DTX4: variants seen among roughly 807,000 people sequenced by gnomAD.
DTX4 encodes the protein E3 ubiquitin-protein ligase DTX4.
In DTX4, 28 loss-of-function variants were observed where a neutral mutation model predicts 57.6. The ratio of observed to expected loss-of-function variants is 0.49; its 90% CI spans 0.36 to 0.67. DTX4 has a LOEUF of 0.67. Ranked by LOEUF, DTX4 falls within the 30% of genes least tolerant of loss-of-function variation. The pLI, the probability that DTX4 is intolerant of heterozygous loss-of-function variation, is 0.00. For missense variants in DTX4, 715 were observed against 836.8 expected (o/e 0.85, Z 1.80); for synonymous variants, 316 against 331.0 (o/e 0.95, Z 0.49).
chr11:59,205,152 C>A lies in DTX4; in HGVS notation c.*243C>A. 1 of 475,398 alleles carries A rather than the reference C, an allele frequency of 2.1e-6. No individual in the cohort carries two copies. The highest frequency in any genetic ancestry group is 3.9e-6 in the Non-Finnish European group (1 of 259,454). 29.4% of individuals were successfully genotyped at this position (475,398 alleles called of 1,614,324 possible). A position where few individuals can be genotyped will look rare whatever the true frequency, so the allele number is the denominator to read the frequency against. ...ATGAGGGCCATCCTGGGTCTGTTCC[C>A]ATGGAGTTTTTGGTGCTGGGTAGGC... On this transcript the variant is annotated 3_prime_UTR_variant, in exon 9 of 9. Coordinates refer to ENST00000227451, the MANE Select transcript of DTX4 (RefSeq NM_015177.2).
Position 59,199,665 on chromosome 11 carries a change from G to C in DTX4, c.1537-19G>C. 1.3e-6 allele frequency: 2 copies of C among 1,558,992 alleles called. No individual in the cohort carries two copies. Among genetic ancestry groups the C allele is most frequent in the East Asian group, 2.4e-5 (1 of 41,628 alleles). ...ATATTTTGAAAAATGCCATTTGCTTGCTTGCTTTCTGCTTTCAGGGACCGG... is the reference window on the plus strand; with the variant it reads ...ATATTTTGAAAAATGCCATTTGCTTCCTTGCTTTCTGCTTTCAGGGACCGG... On this transcript the variant is annotated intron_variant, in intron 7 of 8. Transcript: ENST00000227451.
At chr11:59,187,154 G>A (rs986207349) in intron 2 of DTX4, among the ~76,000 whole-genome samples, 1 of 152,178 alleles carries the variant, frequency 6.6e-6, no homozygotes, top group East Asian at 1.9e-4. Flanking sequence ...TATTCATTAC[G>A]CTCTCTGAGT....
At chr11:59,202,568 A>G (rs1383556318) in intron 8 of DTX4, among the ~76,000 whole-genome samples, 1 of 152,014 alleles carries the variant, frequency 6.6e-6, no homozygotes, top group African/African-American at 2.4e-5. Context: ...TTCCTTTACT[A>G]CTCAGCTCAG....
chr11:59,194,188 A>G (rs909410332), intron 6 of DTX4, among the ~76,000 whole-genome samples: 11 of 152,138 alleles, frequency 7.2e-5, no homozygotes, highest in African/African-American at 2.7e-4. Flanking sequence ...AAGTCCTTTA[A>G]TCTTGCTGTG....
intron 2 of DTX4, among the ~76,000 whole-genome samples, chr11:59,183,699 T>A (rs1862493880): frequency 6.6e-6 from 1 of 152,068 alleles, no homozygotes; most frequent in South Asian, 2.1e-4. Flanking sequence ...GGAGGAGGAA[T>A]GAAGGAGGGT....
At chr11:59,187,736 A>G (rs1862545572) in intron 2 of DTX4, among the ~76,000 whole-genome samples, 1 of 152,156 alleles carries the variant, frequency 6.6e-6, no homozygotes, top group Admixed American at 6.5e-5. Context: ...ACCCAGACCC[A>G]TGTGTCCCAT....
At chr11:59,187,139 G>A (rs888035547) in intron 2 of DTX4, among the ~76,000 whole-genome samples, 1 of 152,226 alleles carries the variant, frequency 6.6e-6, no homozygotes, top group African/African-American at 2.4e-5. Context: ...TCCTAGTGGT[G>A]GGTTTATTCA....
chr11:59,178,477 C>T (rs1370344466), intron 1 of DTX4, among the ~76,000 whole-genome samples: 3 of 152,080 alleles, frequency 2.0e-5, no homozygotes, highest in Non-Finnish European at 2.9e-5. Flanking sequence ...TCTGCATTCC[C>T]CATAGCAGTT....
At chr11:59,176,003 C>T (rs1209558942) in intron 1 of DTX4, among the ~76,000 whole-genome samples, 1 of 152,042 alleles carries the variant, frequency 6.6e-6, no homozygotes, top group African/African-American at 2.4e-5. Flanking sequence ...GCCCCTGTGC[C>T]AGTGATGATA....
chr11:59,204,546 C>T (rs1447065271), intron 8 of DTX4, 130 bp from the exon 9 acceptor site: 3 of 827,198 alleles, frequency 3.6e-6, no homozygotes, highest in East Asian at 5.3e-5. Context: ...CTCTTTCTTT[C>T]CCCTGGGCTG....
rs145272277 is a variant in DTX4, at chr11:59,179,921, GACAC to G, written c.212-1801_212-1798del. On this transcript the variant is annotated intron_variant, in intron 1 of 8. Transcript: ENST00000227451. The stretch of plus-strand genomic sequence containing the variant: ...ACCACCCTACACACATACACACACA[GACAC>G]ACACACACACACACACCCTCACACA... 3.6e-4 allele frequency among the ~76,000 whole-genome samples: 53 copies of G among 148,368 alleles called. No homozygotes were observed. In the East Asian group the frequency reaches 5.0e-3, roughly 14 times the overall value.
intron 8 of DTX4, among the ~76,000 whole-genome samples, chr11:59,201,211 A>G (rs1862736499): frequency 6.6e-6 from 1 of 152,188 alleles, no homozygotes; most frequent in African/African-American, 2.4e-5. Context: ...CACTAATGTC[A>G]TCCATTAGGG....
At chr11:59,191,366 G>A (rs963827990) in intron 5 of DTX4, among the ~76,000 whole-genome samples, 191 bp downstream of exon 5, 10 of 152,100 alleles carry the variant, frequency 6.6e-5, no homozygotes, top group East Asian at 3.8e-4. Context: ...AATCTCTCCC[G>A]CCTCCCCCTT....
In DTX4 at chr11:59,181,774, C is replaced by A. The variant is rs1203699954; in HGVS notation, c.247C>A (p.Pro83Thr). 1.9e-6 allele frequency: 3 copies of A among 1,612,702 alleles called. No homozygotes were observed. Residue 83 changes from proline (P) to threonine (T), a missense_variant, in exon 2 of 9, where the codon CCC becomes ACC. By Grantham distance (38) the Pro-to-Thr change is conservative. Transcript: ENST00000227451. ...LRPVRRNYYD[P>T]SSAPGKGVVW... Reference sequence around the variant, plus strand: ...CCCAGTTCGCCGCAACTACTACGACCCCTCCTCGGCCCCTGGGAAGGGCGT... The same window carrying A: ...CCCAGTTCGCCGCAACTACTACGACACCTCCTCGGCCCCTGGGAAGGGCGT...
At chr11:59,179,670 C>G (rs1231125924) in intron 1 of DTX4, among the ~76,000 whole-genome samples, 1 of 152,226 alleles carries the variant, frequency 6.6e-6, no homozygotes, top group Non-Finnish European at 1.5e-5. Flanking sequence ...CCTCATTCTT[C>G]TTGGGTGTGG....
chr11:59,181,296 G>A (rs758333948), intron 1 of DTX4, among the ~76,000 whole-genome samples: 3 of 152,156 alleles, frequency 2.0e-5, no homozygotes, highest in Middle Eastern at 6.3e-3. Flanking sequence ...CCAGAACCTC[G>A]CATGTACAAA....
rs1367196231 is a variant in DTX4 at position 59,206,951 on chromosome 11, T to C, written c.*2042T>C. 6.6e-6 allele frequency: 1 copy of C among 152,414 alleles called. No homozygotes were observed. Among genetic ancestry groups the C allele is most frequent in the African/African-American group, 2.4e-5 (1 of 41,434 alleles). The allele number at this position is 152,414 out of a possible 1,614,324, so 9.4% of individuals were successfully genotyped here. On this transcript the variant is annotated 3_prime_UTR_variant, in exon 9 of 9. Transcript: ENST00000227451. ...TGCACCACAGGGCAATTTCCTGCCA[T>C]AGTTAGGAAGGAAACACCTGAACTA...
At chr11:59,192,296 C>G (rs113471609) in intron 6 of DTX4, 46 bp downstream of exon 6, 1 of 1,609,956 alleles carries the variant, frequency 6.2e-7, no homozygotes, top group African/African-American at 1.3e-5. Flanking sequence ...ACACTGGGCT[C>G]TGGAGTAGCA....
Position 59,204,895 on chromosome 11 carries a change from C to G in DTX4, c.1846C>G (p.Gln616Glu). ...AQGISEDSTA[Q>E]EKD is the part of the protein sequence containing the mutation. ...GGGCATCTCTGAGGACAGCACTGCC[C>G]AGGAGAAGGACTGAGGCCAGAAAAG... is the stretch of plus-strand genomic sequence containing the variant. The change falls in exon 9 of 9, where the codon CAG becomes GAG. Residue 616 changes from glutamine to glutamate, a missense_variant. Physicochemically the swap from Gln to Glu is conservative, Grantham distance 29 (BLOSUM62 2). Coordinates refer to ENST00000227451, the MANE Select transcript of DTX4 (RefSeq NM_015177.2). 6.3e-7 allele frequency: 1 copy of G among 1,583,404 alleles called. No individual in the cohort carries two copies. Among genetic ancestry groups the G allele is most frequent in the South Asian group, 1.2e-5 (1 of 86,950 alleles).
Sources: allele counts gnomAD v4.1 joint callset (sites outside exome capture counted in the v4.1 genomes callset), GRCh38; gene constraint gnomAD v4.1.1; transcripts MANE v1.5; gene names NCBI Gene and HGNC (gene_info 2026-07-23, HGNC 2026-07-21).